GABBR2: variants seen among roughly 807,000 people sequenced by gnomAD.
GABBR2 encodes gamma-aminobutyric acid type B receptor subunit 2.
GABBR2 carries 23 observed loss-of-function variants against 105.6 expected under a neutral mutation model. The ratio of observed to expected loss-of-function variants is 0.22; its 90% CI spans 0.16 to 0.31. The LOEUF is 0.31. Ranked by LOEUF, GABBR2 falls within the 10% of genes least tolerant of loss-of-function variation. The probability of loss-of-function intolerance (pLI) is 1.00; values close to 1 mark genes in which losing one functional copy is unlikely to be tolerated. For missense variants in GABBR2, 734 were observed against 1,245.5 expected (o/e 0.59, Z 6.18); for synonymous variants, 478 against 499.7 (o/e 0.96, Z 0.58).
At chr9:98,561,431 G>A in intron 2 of GABBR2, among the ~76,000 whole-genome samples, 1 of 152,268 alleles carries the variant, frequency 6.6e-6, no homozygotes, top group African/African-American at 2.4e-5. Flanking sequence ...AGGAATGGAG[G>A]AATGGCTGAT....
chr9:98,679,325 G>GCT lies in GABBR2; in HGVS notation c.321+29090_321+29091dup, dbSNP rs569457726. ...GAGAAACCACAGGACCAATGAGAAT[G>GCT]CTCTATAAGGCAGCTGACTAGGAAA... On this transcript the variant is annotated intron_variant, in intron 1 of 18. Transcript: ENST00000259455. Among the ~76,000 whole-genome samples, 39 of 152,358 alleles carry GCT rather than the reference G, an allele frequency of 2.6e-4. No homozygotes were observed. The East Asian group carries it at 6.2e-3, about 24-fold the overall frequency.
chr9:98,606,479 T>TCTTC (rs1564128976), intron 1 of GABBR2, among the ~76,000 whole-genome samples: 2 of 90,324 alleles, frequency 2.2e-5, no homozygotes, highest in Non-Finnish European at 2.3e-5. Context: ...TATCTTTTTT[T>TCTTC]TTTCTTTTTT....
chr9:98,556,589 C>T (rs1828588120), intron 2 of GABBR2, among the ~76,000 whole-genome samples: 1 of 152,148 alleles, frequency 6.6e-6, no homozygotes, highest in Admixed American at 6.5e-5. Context: ...TGCGCATGGG[C>T]AAGAGCACCC....
At chr9:98,647,923 G>A (rs1039398631) in intron 1 of GABBR2, among the ~76,000 whole-genome samples, 1 of 151,208 alleles carries the variant, frequency 6.6e-6, no homozygotes, top group African/African-American at 2.4e-5. Context: ...TCCATACACT[G>A]TCGATTGAAA....
intron 1 of GABBR2, among the ~76,000 whole-genome samples, chr9:98,660,449 G>T (rs185838930): frequency 6.6e-6 from 1 of 152,304 alleles, no homozygotes; most frequent in Non-Finnish European, 1.5e-5. Flanking sequence ...TAATTCAATT[G>T]ATAGCTAGCA....
intron 2 of GABBR2, among the ~76,000 whole-genome samples, chr9:98,577,531 G>T (rs1425606057): frequency 1.3e-5 from 2 of 152,238 alleles, no homozygotes; most frequent in Non-Finnish European, 2.9e-5. Context: ...TTAAGGGAAC[G>T]GTGAGAGCAG....
At chr9:98,335,839 A>AC (rs1831105341) in intron 13 of GABBR2, among the ~76,000 whole-genome samples, 2 of 120,376 alleles carry the variant, frequency 1.7e-5, no homozygotes, top group Non-Finnish European at 3.6e-5. Context: ...AAGCTTGTCC[A>AC]TCATCCATTC....
At chr9:98,293,645 C>T (rs1830335377) in intron 18 of GABBR2, 140 bp downstream of exon 18, 2 of 572,362 alleles carry the variant, frequency 3.5e-6, no homozygotes, top group Non-Finnish European at 6.2e-6. Context: ...AAAAAGAGCA[C>T]TGTAATTGGA....
intron 1 of GABBR2, among the ~76,000 whole-genome samples, chr9:98,675,005 C>T (rs1483336841): frequency 1.3e-5 from 2 of 152,136 alleles, no homozygotes; most frequent in Admixed American, 6.5e-5. Flanking sequence ...TGGCCAGGCT[C>T]TCCCTTCTCA....
intron 1 of GABBR2, among the ~76,000 whole-genome samples, chr9:98,614,170 A>G (rs1369078087): frequency 2.0e-5 from 3 of 152,270 alleles, no homozygotes; most frequent in Non-Finnish European, 4.4e-5. Context: ...CACTCAAAAT[A>G]AGAGAGTAGA....
At chr9:98,662,089 A>G (rs1379815553) in intron 1 of GABBR2, among the ~76,000 whole-genome samples, 1 of 152,206 alleles carries the variant, frequency 6.6e-6, no homozygotes, top group Non-Finnish European at 1.5e-5. Flanking sequence ...TGCCAAAGAA[A>G]AGTTCCTACA....
chr9:98,654,726 A>C (rs982695379), intron 1 of GABBR2, among the ~76,000 whole-genome samples: 1 of 152,200 alleles, frequency 6.6e-6, no homozygotes, highest in Admixed American at 6.5e-5. Flanking sequence ...TGAAGACACA[A>C]AAAAAAGCAG....
Position 98,388,800 on chromosome 9 carries a change from A to G in GABBR2, c.1529+54T>C, listed in dbSNP as rs1832124770. ...CATGTGGCACTCCTATACTGTGTCC[A>G]TAGGCTTGTCAATTTAGAAAGTGAT... On this transcript the variant is annotated intron_variant, in intron 10 of 18. Coordinates refer to ENST00000259455, the MANE Select transcript of GABBR2 (RefSeq NM_005458.8). The surrounding 1 kb of genome is among the most constrained non-coding windows in gnomAD (Gnocchi z 4.4). 1 of 1,480,220 alleles carries G rather than the reference A, an allele frequency of 6.8e-7. No homozygotes were observed. The highest frequency in any genetic ancestry group is 1.4e-5 in the African/African-American group (1 of 72,390). 91.7% of individuals were successfully genotyped at this position (1,480,220 alleles called of 1,614,324 possible). A position where few individuals can be genotyped will look rare whatever the true frequency, so the allele number is the denominator to read the frequency against.
At chr9:98,350,251 G>C (rs1246437320) in intron 13 of GABBR2, among the ~76,000 whole-genome samples, 13 of 146,464 alleles carry the variant, frequency 8.9e-5, no homozygotes, top group Admixed American at 8.8e-4. Flanking sequence ...ATTTAATCCT[G>C]CTCTGATATT....
At chr9:98,706,109 CAAA>C (rs3983388) in intron 1 of GABBR2, among the ~76,000 whole-genome samples, 152 of 136,996 alleles carry the variant, frequency 1.1e-3, no homozygotes, top group African/African-American at 3.6e-3. Context: ...ACAAAAAAAA[CAAA>C]AAAAAAAAAA....
chr9:98,526,881 G>C (rs1366929749), intron 3 of GABBR2, among the ~76,000 whole-genome samples: 2 of 151,950 alleles, frequency 1.3e-5, no homozygotes, highest in African/African-American at 4.8e-5. Flanking sequence ...CAAACACTGA[G>C]TAAATAAAAA....
intron 5 of GABBR2, 38 bp from the exon 6 acceptor site, chr9:98,473,384 C>A (rs370844734): frequency 1.4e-6 from 2 of 1,404,886 alleles, no homozygotes; most frequent in African/African-American, 1.4e-5. Flanking sequence ...CATTGAGAGT[C>A]GCACAGTTCA....
chr9:98,583,563 G>C (rs769583644), intron 1 of GABBR2, among the ~76,000 whole-genome samples: 4 of 152,336 alleles, frequency 2.6e-5, no homozygotes, highest in Admixed American at 6.5e-5. Flanking sequence ...GGTCCTTACA[G>C]AGTATAGTGT....
At chr9:98,345,420 A>G (rs1271081620) in intron 13 of GABBR2, among the ~76,000 whole-genome samples, 1 of 152,232 alleles carries the variant, frequency 6.6e-6, no homozygotes, top group Non-Finnish European at 1.5e-5. Context: ...AGGCATCCTC[A>G]GTTTTGGCCA....
Sources: allele counts gnomAD v4.1 joint callset (sites outside exome capture counted in the v4.1 genomes callset), GRCh38; gene constraint gnomAD v4.1.1; non-coding constraint Gnocchi (gnomAD v3.1); transcripts MANE v1.5; gene names NCBI Gene and HGNC (gene_info 2026-07-23, HGNC 2026-07-21).